Variants in HUNK observed in about 807,000 individuals in gnomAD.
HUNK encodes the protein hormonally up-regulated Neu-associated kinase.
A neutral mutation model predicts 61.0 loss-of-function variants in HUNK; 21 were observed. That is an observed-to-expected ratio of 0.34 (90% CI 0.24 to 0.50). The LOEUF (loss-of-function observed/expected upper bound fraction) is 0.50, where lower values mean the gene tolerates loss of function less well. Ranked by LOEUF, HUNK falls within the 20% of genes least tolerant of loss-of-function variation. The pLI, the probability that HUNK is intolerant of heterozygous loss-of-function variation, is 0.98. For missense variants in HUNK, 772 were observed against 945.7 expected (o/e 0.82, Z 2.41); for synonymous variants, 371 against 386.1 (o/e 0.96, Z 0.46).
intron 7 of HUNK, among the ~76,000 whole-genome samples, chr21:31,978,707 C>T (rs1408007471): frequency 6.6e-6 from 1 of 152,096 alleles, no homozygotes; most frequent in African/African-American, 2.4e-5. Flanking sequence ...ATAGGTACCA[C>T]ACACTTTCTT....
At chr21:31,905,078 A>T (rs964346088) in intron 1 of HUNK, among the ~76,000 whole-genome samples, 2 of 1,252 alleles carry the variant, frequency 1.6e-3, no homozygotes, top group Non-Finnish European at 2.6e-3. Context: ...ACTGTGTCTA[A>T]AAAAAAAAAA....
chr21:31,950,638 T>G (rs771934950), intron 4 of HUNK, among the ~76,000 whole-genome samples: 5 of 152,186 alleles, frequency 3.3e-5, no homozygotes, highest in Non-Finnish European at 5.9e-5. Context: ...CTGTCTAAAC[T>G]TGGGGTCTGA....
At chr21:31,956,276 G>T (rs931018379) in intron 4 of HUNK, among the ~76,000 whole-genome samples, 2 of 152,112 alleles carry the variant, frequency 1.3e-5, no homozygotes, top group Admixed American at 6.5e-5. Flanking sequence ...GCATAGAATC[G>T]CCCTGGATGG....
chr21:31,975,444 G>C (rs2053041993), intron 7 of HUNK, among the ~76,000 whole-genome samples: 2 of 152,216 alleles, frequency 1.3e-5, no homozygotes, highest in African/African-American at 4.8e-5. Flanking sequence ...ACAATATGGA[G>C]TCTGCATACA....
intron 9 of HUNK, among the ~76,000 whole-genome samples, chr21:31,991,510 C>T (rs1055605662): frequency 1.3e-5 from 2 of 152,188 alleles, no homozygotes; most frequent in African/African-American, 2.4e-5. Context: ...TGAGCCACTG[C>T]GCCCGGCCCA....
chr21:31,897,112 C>T (rs1379699355), intron 1 of HUNK, among the ~76,000 whole-genome samples: 1 of 152,086 alleles, frequency 6.6e-6, no homozygotes, highest in Non-Finnish European at 1.5e-5. Flanking sequence ...GAAGTGGTGG[C>T]GAAGGCCTGT....
At chr21:31,940,514 A>T (rs2052762161) in intron 3 of HUNK, among the ~76,000 whole-genome samples, 1 of 152,228 alleles carries the variant, frequency 6.6e-6, no homozygotes, top group Non-Finnish European at 1.5e-5. Context: ...TGGCTTAGAA[A>T]TGCTTCCCAT....
chr21:31,989,395 G>A (rs1287228884), intron 8 of HUNK, among the ~76,000 whole-genome samples: 1 of 152,152 alleles, frequency 6.6e-6, no homozygotes, highest in Non-Finnish European at 1.5e-5. Flanking sequence ...ATCAGATCCA[G>A]CAATCTGTGC....
intron 2 of HUNK, among the ~76,000 whole-genome samples, chr21:31,931,934 A>G (rs57560507): frequency 0.12 from 15,925 of 129,952 alleles, 1,241 homozygotes; most frequent in African/African-American, 0.26. Flanking sequence ...ACACACACAC[A>G]CGCGCGCCCA....
At chr21:31,949,572 T>C (rs1350659389) in intron 4 of HUNK, among the ~76,000 whole-genome samples, 1 of 145,944 alleles carries the variant, frequency 6.9e-6, no homozygotes, top group Non-Finnish European at 1.5e-5. Flanking sequence ...AGGAAGAATT[T>C]GTGCACACAC....
At chr21:31,909,574 G>A (rs986797906) in intron 1 of HUNK, among the ~76,000 whole-genome samples, 5 of 152,178 alleles carry the variant, frequency 3.3e-5, no homozygotes, top group Admixed American at 6.5e-5. Context: ...ACAAAAAGGC[G>A]AATTTTAGCT....
At chr21:31,945,902 A>T in intron 3 of HUNK, 134 bp from the exon 4 acceptor site, 1 of 859,786 alleles carries the variant, frequency 1.2e-6, no homozygotes, top group Non-Finnish European at 1.8e-6. Flanking sequence ...AGTTTTCTTT[A>T]GGATGCTAAA....
intron 10 of HUNK, 85 bp downstream of exon 10, chr21:31,996,033 G>A: frequency 9.8e-7 from 1 of 1,018,616 alleles, no homozygotes; most frequent in Non-Finnish European, 1.4e-6. Context: ...TGGTCGAATG[G>A]GCCCTAGAGC....
chr21:31,891,161 G>C (rs1184571953), intron 1 of HUNK, among the ~76,000 whole-genome samples: 2 of 152,158 alleles, frequency 1.3e-5, no homozygotes, highest in African/African-American at 4.8e-5. Context: ...TGGATCACTT[G>C]AGGTCAGGAG....
intron 7 of HUNK, among the ~76,000 whole-genome samples, chr21:31,975,178 T>C (rs1372189288): frequency 6.6e-6 from 1 of 152,132 alleles, no homozygotes; most frequent in Admixed American, 6.5e-5. Flanking sequence ...AAGAACAAAA[T>C]TGGACTTGCC....
chr21:31,917,658 G>A (rs1457263632), intron 1 of HUNK, among the ~76,000 whole-genome samples: 3 of 145,218 alleles, frequency 2.1e-5, no homozygotes, highest in African/African-American at 7.7e-5. Flanking sequence ...ATGACATCCA[G>A]GCTTAGATAC....
intron 1 of HUNK, among the ~76,000 whole-genome samples, chr21:31,890,214 A>C (rs891920754): frequency 1.1e-4 from 17 of 149,264 alleles, no homozygotes; most frequent in African/African-American, 3.9e-4. Context: ...TGCATTATCC[A>C]TTCTCTCTGT....
At chr21:31,946,724 C>T (rs2052806165) in intron 4 of HUNK, among the ~76,000 whole-genome samples, 1 of 152,254 alleles carries the variant, frequency 6.6e-6, no homozygotes, top group South Asian at 2.1e-4. Context: ...AAGTGATTAC[C>T]CTGCCTCAGC....
chr21:31,968,608 G>A (rs2052984946), intron 6 of HUNK, among the ~76,000 whole-genome samples: 1 of 152,182 alleles, frequency 6.6e-6, no homozygotes, highest in Admixed American at 6.5e-5. Flanking sequence ...GGCACCTGGA[G>A]GAGAGGTGAG....
Sources: gnomAD v4.1 joint callset for allele counts (sites outside exome capture counted in the v4.1 genomes callset) on GRCh38, gnomAD v4.1.1 for gene constraint, MANE v1.5 for transcripts, NCBI Gene and HGNC (gene_info 2026-07-23, HGNC 2026-07-21) for gene names.